Variants in PCDH15 observed in about 807,000 individuals in gnomAD.
PCDH15 encodes the protein protocadherin-15.
PCDH15 carries 129 observed loss-of-function variants against 178.5 expected under a neutral mutation model. The observed-to-expected ratio is 0.72, with a 90% CI of 0.63 to 0.84. The LOEUF is 0.84. Ranked by LOEUF, PCDH15 falls within the 40% of genes least tolerant of loss-of-function variation. PCDH15 has a pLI of 0.00. For missense variants in PCDH15, 2,230 were observed against 2,099.9 expected, an observed-to-expected ratio of 1.06 and a Z score of -1.21; for synonymous variants, 800 against 732.0, an observed-to-expected ratio of 1.09 and a Z score of -1.50.
chr10:55,537,383 C>T (rs896518970), intron 2 of PCDH15, among the ~76,000 whole-genome samples: 2 of 151,462 alleles, frequency 1.3e-5, no homozygotes, highest in Non-Finnish European at 2.9e-5. Flanking sequence ...CTGCTATTTA[C>T]TTTATTTATT....
intron 1 of PCDH15, among the ~76,000 whole-genome samples, chr10:55,295,153 C>A (rs915869399): frequency 3.3e-5 from 5 of 152,138 alleles, no homozygotes; most frequent in African/African-American, 1.2e-4. Context: ...TATCTAATTT[C>A]TAACATACCA....
At chr10:54,312,456 A>G (rs1175981479) in intron 8 of PCDH15, among the ~76,000 whole-genome samples, 2 of 152,076 alleles carry the variant, frequency 1.3e-5, no homozygotes, top group African/African-American at 4.8e-5. Context: ...GAGGTGGAGT[A>G]TGTTTCTACC....
At chr10:54,399,428 C>T (rs1466181909) in intron 3 of PCDH15, among the ~76,000 whole-genome samples, 1 of 152,002 alleles carries the variant, frequency 6.6e-6, no homozygotes, top group East Asian at 1.9e-4. Context: ...TGCATTTCTC[C>T]ATAAGCTTGA....
chr10:55,213,589 CTT>C (rs1840626086), intron 1 of PCDH15, among the ~76,000 whole-genome samples: 1 of 151,604 alleles, frequency 6.6e-6, no homozygotes, highest in East Asian at 1.9e-4. Context: ...ATAAATGTAT[CTT>C]ATATTTTTAA....
chr10:54,372,465 G>A (rs752768703), intron 4 of PCDH15, among the ~76,000 whole-genome samples: 5 of 151,738 alleles, frequency 3.3e-5, no homozygotes, highest in Non-Finnish European at 7.4e-5. Context: ...GGATCACACC[G>A]AAGGCAAAAA....
At chr10:53,876,917 C>A (rs2080289506) in intron 26 of PCDH15, among the ~76,000 whole-genome samples, 1 of 152,056 alleles carries the variant, frequency 6.6e-6, no homozygotes, top group East Asian at 1.9e-4. Context: ...ATTACAAAGA[C>A]CTTTACAGGG....
chr10:55,293,570 C>T (rs950316755), intron 1 of PCDH15, among the ~76,000 whole-genome samples: 2 of 152,202 alleles, frequency 1.3e-5, no homozygotes, highest in Non-Finnish European at 2.9e-5. Flanking sequence ...CAAGTCACAT[C>T]TTGAACACTT....
chr10:53,816,148 G>C (rs1046938202), intron 35 of PCDH15, 91 bp downstream of exon 35: 2 of 397,942 alleles, frequency 5.0e-6, no homozygotes, highest in Non-Finnish European at 8.9e-6. Flanking sequence ...CACATTGGCA[G>C]ACACCCACTC....
chr10:55,500,431 A>G (rs1180611795), intron 2 of PCDH15, among the ~76,000 whole-genome samples: 2 of 151,978 alleles, frequency 1.3e-5, no homozygotes, highest in South Asian at 2.1e-4. Context: ...AGAATACAAG[A>G]AAGTTTTACA....
At chr10:55,559,681 A>G (rs1329853045) in intron 2 of PCDH15, among the ~76,000 whole-genome samples, 1 of 151,962 alleles carries the variant, frequency 6.6e-6, no homozygotes, top group Non-Finnish European at 1.5e-5. Flanking sequence ...AAAAAATCCT[A>G]GAGTTGAATT....
chr10:54,072,732 A>G (rs1170297611), intron 17 of PCDH15, among the ~76,000 whole-genome samples: 1 of 152,130 alleles, frequency 6.6e-6, no homozygotes, highest in African/African-American at 2.4e-5. Flanking sequence ...GCCTCCAGAA[A>G]ATTTCCACAG....
intron 3 of PCDH15, among the ~76,000 whole-genome samples, chr10:54,519,926 G>C (rs995481622): frequency 2.6e-5 from 4 of 152,136 alleles, no homozygotes; most frequent in Admixed American, 6.5e-5. Context: ...ACAACTATCT[G>C]ATCTTTGACA....
At chr10:53,995,451 CT>C (rs2091783018) in intron 21 of PCDH15, 197 bp downstream of exon 21, 3 of 894,432 alleles carry the variant, frequency 3.4e-6, no homozygotes, top group African/African-American at 1.7e-5. Flanking sequence ...AAAGCATATT[CT>C]TTGTCTAGGT....
intron 2 of PCDH15, among the ~76,000 whole-genome samples, chr10:55,491,227 T>A (rs572484338): frequency 6.6e-6 from 1 of 151,674 alleles, no homozygotes; most frequent in African/African-American, 2.4e-5. Context: ...CATCTCTCAA[T>A]CTATATCTGA....
At chr10:55,463,895 GAGAGAGAAAGAAAGAAAGAAAGAA>G (rs1839736918) in intron 2 of PCDH15, among the ~76,000 whole-genome samples, 1 of 125,878 alleles carries the variant, frequency 7.9e-6, no homozygotes, top group African/African-American at 3.2e-5. Flanking sequence ...GAGAGGGAGA[GAGAGAGAAAGAAAGAAAGAAAGAA>G]AGAAAGAAAG....
At chr10:54,061,182 A>G (rs2094005819) in intron 18 of PCDH15, among the ~76,000 whole-genome samples, 1 of 152,130 alleles carries the variant, frequency 6.6e-6, no homozygotes, top group Non-Finnish European at 1.5e-5. Context: ...TCTGCAGTTG[A>G]GTATGAGGCC....
intron 3 of PCDH15, among the ~76,000 whole-genome samples, chr10:54,496,905 T>C (rs1355110149): frequency 6.6e-6 from 1 of 152,132 alleles, no homozygotes; most frequent in Non-Finnish European, 1.5e-5. Context: ...TTATTGTACA[T>C]AGAGAGGGTA....
intron 1 of PCDH15, among the ~76,000 whole-genome samples, chr10:54,774,656 C>T (rs994587628): frequency 6.6e-6 from 1 of 152,106 alleles, no homozygotes; most frequent in Admixed American, 6.5e-5. Flanking sequence ...TTATCCCAGG[C>T]AGTATTACCT....
At position 54,844,698 on chromosome 10, in the gene PCDH15, C is replaced by A. The variant is rs79471778; in HGVS notation, c.-29+52752G>T. ...GCAGTCACTGAAAACACTGTTAACA[C>A]TAAGAAGTTCAGAAATAAAATTCAA... On this transcript the variant is annotated intron_variant, in intron 3 of 5. Coordinates refer to the PCDH15 transcript ENST00000458638. Among the ~76,000 whole-genome samples the A allele has an allele frequency of 4.3e-4, 65 of 151,936 alleles. 2 individuals carry two copies. The East Asian group carries it at 0.011, about 25-fold the overall frequency.
Sources: allele counts gnomAD v4.1 joint callset (sites outside exome capture counted in the v4.1 genomes callset), GRCh38; gene constraint gnomAD v4.1.1; transcripts MANE v1.5; gene names NCBI Gene and HGNC (gene_info 2026-07-23, HGNC 2026-07-21).